The following IL4R variants were observed in gnomAD, a reference collection of about 807,000 sequenced individuals.
IL4R encodes the protein interleukin-4 receptor subunit alpha.
IL4R carries 17 observed loss-of-function variants against 41.5 expected under a neutral mutation model. The ratio of observed to expected loss-of-function variants is 0.41; its 90% CI spans 0.28 to 0.61. IL4R has a LOEUF of 0.61. IL4R is among the 20% of genes least tolerant of loss of function. IL4R has a pLI of 0.31. For missense variants in IL4R, 974 were observed against 1,043.1 expected (o/e 0.93, Z 0.91); for synonymous variants, 402 against 422.9 (o/e 0.95, Z 0.61).
intron 6 of IL4R, among the ~76,000 whole-genome samples, chr16:27,347,912 T>A (rs1167393552): frequency 3.3e-5 from 5 of 152,244 alleles, no homozygotes; most frequent in Non-Finnish European, 7.3e-5. Context: ...GGCCCACATG[T>A]GTCCTAAAAG....
chr16:27,347,401 G>C (rs2141157752), intron 6 of IL4R, among the ~76,000 whole-genome samples: 1 of 152,320 alleles, frequency 6.6e-6, no homozygotes, highest in African/African-American at 2.4e-5. Flanking sequence ...GCGTTGGCCA[G>C]GCTGGTCTCA....
At chr16:27,350,772 G>A (rs930622278) in intron 6 of IL4R, among the ~76,000 whole-genome samples, 1 of 152,178 alleles carries the variant, frequency 6.6e-6, no homozygotes, top group Non-Finnish European at 1.5e-5. Flanking sequence ...ATGGAAACAT[G>A]TTTCTCTCCC....
chr16:27,358,044 C>T (rs1418440043), intron 8 of IL4R, among the ~76,000 whole-genome samples: 1 of 152,140 alleles, frequency 6.6e-6, no homozygotes, highest in East Asian at 1.9e-4. Flanking sequence ...CAGGCGCCTG[C>T]CACCATGCCT....
chr16:27,340,281 A>C lies in IL4R; in HGVS notation c.70+8A>C, dbSNP rs553134309. The C allele has an allele frequency of 2.6e-5, 42 of 1,609,612 alleles. No homozygotes were observed. In the Admixed American group the frequency reaches 5.0e-4, roughly 19 times the overall value. On this transcript the variant is annotated splice_region_variant and intron_variant, in intron 3 of 10. Transcript: ENST00000395762. Reference sequence around the variant, plus strand: ...TGCAGGTGGCAAGCTCTGGTAAGTCACCACTTCTCAATCATTCATTTGTTG... The same window carrying C: ...TGCAGGTGGCAAGCTCTGGTAAGTCCCCACTTCTCAATCATTCATTTGTTG...
At chr16:27,339,932 C>T (rs931794847) in intron 2 of IL4R, among the ~76,000 whole-genome samples, 7 of 152,192 alleles carry the variant, frequency 4.6e-5, no homozygotes, top group Admixed American at 1.3e-4. Flanking sequence ...TGGTGGGCAC[C>T]TGTAATCCCA....
upstream of IL4R, chr16:27,313,889 G>C: frequency 1.0e-6 from 1 of 983,454 alleles, no homozygotes; most frequent in Non-Finnish European, 1.2e-6. Context: ...GGGGCGGGGA[G>C]CAGGAAGCCG....
chr16:27,352,698 T>A lies in IL4R; in HGVS notation c.670+2T>A. On this transcript the variant is annotated splice_donor_variant, in intron 7 of 10. Transcript: ENST00000395762. LOFTEE classifies it high-confidence loss of function. ...GCCCCAGCACCAAGTGGCACAACTG[T>A]GAGTATCAAGAGGCCTAAGCAATGG... 1 of 1,613,824 alleles carries A rather than the reference T, an allele frequency of 6.2e-7. No homozygotes were observed. Among genetic ancestry groups the A allele is most frequent in the Non-Finnish European group, 8.5e-7 (1 of 1,179,820 alleles).
chr16:27,330,280 G>C lies in IL4R; in HGVS notation c.-19+82G>C, dbSNP rs376140027. 288 of 151,810 alleles carry C rather than the reference G, an allele frequency of 1.9e-3. 2 individuals carry two copies. Among genetic ancestry groups the C allele is most frequent in the African/African-American group, 6.6e-3 (272 of 41,400 alleles). The allele number at this position is 151,810 out of a possible 1,614,324, so 9.4% of individuals were successfully genotyped here. On this transcript the variant is annotated intron_variant, in intron 2 of 10. Coordinates refer to ENST00000395762, the MANE Select transcript of IL4R (RefSeq NM_000418.4). ...GGCTTGCCTGTAGTCCCAGCTACTG[G>C]GGAGGCTGAGGCAGGAGAATCACTT...
At chr16:27,352,420 C>G in intron 6 of IL4R, 120 bp from the exon 7 acceptor site, 1 of 779,282 alleles carries the variant, frequency 1.3e-6, no homozygotes, top group Non-Finnish European at 2.1e-6. Flanking sequence ...GGACGAACAA[C>G]CAAATACCCA....
At chr16:27,350,228 C>T (rs1055820570) in intron 6 of IL4R, among the ~76,000 whole-genome samples, 20 of 152,288 alleles carry the variant, frequency 1.3e-4, no homozygotes, top group Admixed American at 1.2e-3. Flanking sequence ...TAAAACATTT[C>T]CCAGTTCCCA....
chr16:27,324,915 G>A (rs1286097792), intron 1 of IL4R, among the ~76,000 whole-genome samples: 1 of 151,766 alleles, frequency 6.6e-6, no homozygotes, highest in African/African-American at 2.4e-5. Context: ...CTCTGTCCCC[G>A]CTCTCCCCAG....
In IL4R at chr16:27,362,335, C is replaced by T; in HGVS notation, c.983C>T (p.Ala328Val). The change falls in exon 11 of 11, where the codon GCC (alanine) becomes GTC (valine). Residue 328 changes from alanine to valine, a missense_variant. Transcript: ENST00000395762. ...AGGGATGAAGATCCTCACAAGGCTGCCAAAGAGATGCCTTTCCAGGGCTCT... is the reference window on the plus strand; with the variant it reads ...AGGGATGAAGATCCTCACAAGGCTGTCAAAGAGATGCCTTTCCAGGGCTCT... Reference protein sequence around the residue: ...MKRDEDPHKAAKEMPFQGSGK... With the variant: ...MKRDEDPHKAVKEMPFQGSGK... 1 of 1,614,128 alleles carries T rather than the reference C, an allele frequency of 6.2e-7. No individual in the cohort carries two copies. Among genetic ancestry groups the T allele is most frequent in the Non-Finnish European group, 8.5e-7 (1 of 1,180,014 alleles).
At chr16:27,356,583 G>A (rs889649432) in intron 8 of IL4R, among the ~76,000 whole-genome samples, 1 of 152,162 alleles carries the variant, frequency 6.6e-6, no homozygotes, top group Admixed American at 6.5e-5. Flanking sequence ...TTTGAGGGGG[G>A]CCCTGACTGG....
chr16:27,326,911 C>T (rs1379965266), intron 1 of IL4R, among the ~76,000 whole-genome samples: 2 of 152,134 alleles, frequency 1.3e-5, no homozygotes, highest in East Asian at 1.9e-4. Flanking sequence ...CCCAGTGGGG[C>T]CACCGACGTG....
chr16:27,314,522 G>GT (rs757317170), intron 1 of IL4R, among the ~76,000 whole-genome samples: 63 of 152,362 alleles, frequency 4.1e-4, no homozygotes, highest in Non-Finnish European at 7.9e-4. Context: ...ACTGGGACTT[G>GT]TTTTACTGAA....
At chr16:27,337,582 T>C (rs905228476) in intron 2 of IL4R, among the ~76,000 whole-genome samples, 1 of 151,650 alleles carries the variant, frequency 6.6e-6, no homozygotes, top group African/African-American at 2.4e-5. Flanking sequence ...TTTCTTTTTT[T>C]TTTTTTTCTC....
In IL4R at chr16:27,320,271, C is replaced by T. The variant is rs151320495; in HGVS notation, c.-152+6251C>T. ...ATTGCAGGAAAATAAGCTCAGGGCT[C>T]CCACTGATTCTGCATTATGGTGAGT... On this transcript the variant is annotated intron_variant, in intron 1 of 10. Transcript: ENST00000395762. Among the ~76,000 whole-genome samples, 1,416 of 152,254 alleles carry T rather than the reference C, an allele frequency of 9.3e-3. 10 individuals carry two copies. Among genetic ancestry groups the T allele is most frequent in the Non-Finnish European group, 0.015 (1,025 of 68,014 alleles).
At chr16:27,332,976 G>A (rs2085155782) in intron 2 of IL4R, among the ~76,000 whole-genome samples, 1 of 151,872 alleles carries the variant, frequency 6.6e-6, no homozygotes, top group Admixed American at 6.6e-5. Flanking sequence ...GAAATTTTCT[G>A]GCTTTCTTCC....
chr16:27,320,089 A>G (rs891828492), intron 1 of IL4R, among the ~76,000 whole-genome samples: 2 of 151,716 alleles, frequency 1.3e-5, no homozygotes, highest in South Asian at 4.2e-4. Context: ...CTGGTGTCGA[A>G]CTCCTGGCCT....
Sources: gnomAD v4.1 joint callset for allele counts (sites outside exome capture counted in the v4.1 genomes callset) on GRCh38, gnomAD v4.1.1 for gene constraint, MANE v1.5 for transcripts, NCBI Gene and HGNC (gene_info 2026-07-23, HGNC 2026-07-21) for gene names.